The following KCNN3 variants were observed in gnomAD, a reference collection of about 807,000 sequenced individuals.
KCNN3 encodes potassium calcium-activated channel subfamily N member 3.
A neutral mutation model predicts 62.9 loss-of-function variants in KCNN3; 16 were observed. The observed-to-expected ratio is 0.25, with a 90% CI of 0.17 to 0.39. The LOEUF is 0.39. Ranked by LOEUF, KCNN3 falls within the 10% of genes least tolerant of loss-of-function variation. KCNN3 has a pLI of 1.00. For synonymous variants in KCNN3, 370 were observed against 389.2 expected (o/e 0.95, Z 0.58); for missense variants, 599 against 949.4 (o/e 0.63, Z 4.85).
chr1:154,807,827 G>A (rs1435306000), intron 2 of KCNN3, among the ~76,000 whole-genome samples: 2 of 152,090 alleles, frequency 1.3e-5, no homozygotes, highest in African/African-American at 2.4e-5. Flanking sequence ...GAACCTCAGC[G>A]TTTTGGGGTG....
intron 1 of KCNN3, among the ~76,000 whole-genome samples, chr1:154,855,569 G>T (rs1652488040): frequency 1.3e-5 from 2 of 152,210 alleles, no homozygotes; most frequent in Non-Finnish European, 2.9e-5. Flanking sequence ...CCTGGGAGCA[G>T]TAGGCTACAC....
At chr1:154,777,321 C>T (rs765796873) in intron 2 of KCNN3, among the ~76,000 whole-genome samples, 10 of 152,124 alleles carry the variant, frequency 6.6e-5, no homozygotes, top group East Asian at 3.9e-4. Flanking sequence ...ATGCCTGAGA[C>T]GTTGCCTGGC....
intron 2 of KCNN3, among the ~76,000 whole-genome samples, chr1:154,805,958 A>ATGACAGGGAT (rs1553235590): frequency 6.6e-6 from 1 of 152,210 alleles, no homozygotes; most frequent in Non-Finnish European, 1.5e-5. Context: ...GCACAACATA[A>ATGACAGGGAT]TGACAGGGAT....
At chr1:154,822,853 G>A (rs778896322) in intron 1 of KCNN3, among the ~76,000 whole-genome samples, 37 of 152,188 alleles carry the variant, frequency 2.4e-4, no homozygotes, top group Non-Finnish European at 4.3e-4. Context: ...GAGCCCCGTG[G>A]CCTCCACTGC....
intron 3 of KCNN3, among the ~76,000 whole-genome samples, chr1:154,752,528 G>A (rs961586504): frequency 1.3e-5 from 2 of 152,184 alleles, no homozygotes; most frequent in South Asian, 2.1e-4. Context: ...ACCCTGGCTC[G>A]CTTACCTCCC....
intron 3 of KCNN3, among the ~76,000 whole-genome samples, chr1:154,769,981 G>A (rs1648474470): frequency 6.6e-6 from 1 of 152,174 alleles, no homozygotes; most frequent in Non-Finnish European, 1.5e-5. Flanking sequence ...TAAGAAAATT[G>A]AGGTCCAGAG....
chr1:154,729,501 C>T (rs1700545881), intron 4 of KCNN3, among the ~76,000 whole-genome samples: 1 of 152,086 alleles, frequency 6.6e-6, no homozygotes, highest in African/African-American at 2.4e-5. Context: ...ACCAGTCCTC[C>T]CACCTCTTGT....
chr1:154,729,220 G>T (rs1485968708), intron 4 of KCNN3, among the ~76,000 whole-genome samples: 1 of 152,158 alleles, frequency 6.6e-6, no homozygotes, highest in South Asian at 2.1e-4. Context: ...GGTCAGACTG[G>T]GGGGAAGAGC....
chr1:154,758,409 A>G (rs1571245936), intron 3 of KCNN3, among the ~76,000 whole-genome samples: 1 of 152,332 alleles, frequency 6.6e-6, no homozygotes, highest in African/African-American at 2.4e-5. Flanking sequence ...AAGGAGTTTT[A>G]CTAAGTTCTG....
chr1:154,816,583 C>A lies in KCNN3; in HGVS notation c.1029+5506G>T, dbSNP rs539115536. On this transcript the variant is annotated intron_variant, in intron 2 of 7. Transcript: ENST00000271915. The stretch of plus-strand genomic sequence containing the variant: ...TCCGGATGTGAATGTGTCTGCACCC[C>A]ACCCCTTATTCCATGCCTGGGGCTC... Among the ~76,000 whole-genome samples, 4 of 152,282 alleles carry A rather than the reference C, an allele frequency of 2.6e-5. No individual in the cohort carries two copies. In the South Asian group the frequency reaches 8.3e-4, roughly 32 times the overall value.
intron 1 of KCNN3, among the ~76,000 whole-genome samples, chr1:154,825,388 C>G (rs1189017685): frequency 7.8e-6 from 1 of 128,470 alleles, no homozygotes. Context: ...TTTTTTGAGA[C>G]AGAGTCTTGC....
At chr1:154,866,299 TC>T (rs1652955019) in intron 1 of KCNN3, among the ~76,000 whole-genome samples, 1 of 152,206 alleles carries the variant, frequency 6.6e-6, no homozygotes, top group Non-Finnish European at 1.5e-5. Flanking sequence ...AAAAGATATC[TC>T]CTTTCCTCTC....
chr1:154,801,277 G>A (rs1649943591), intron 2 of KCNN3, among the ~76,000 whole-genome samples: 1 of 152,172 alleles, frequency 6.6e-6, no homozygotes, highest in Non-Finnish European at 1.5e-5. Context: ...CTGAAATGAA[G>A]CATCAGCGTG....
At chr1:154,724,305 T>C (rs1700417714) in intron 5 of KCNN3, among the ~76,000 whole-genome samples, 1 of 152,256 alleles carries the variant, frequency 6.6e-6, no homozygotes, top group Admixed American at 6.5e-5. Flanking sequence ...CCTGCCGTTG[T>C]CTCTATTTCT....
intron 2 of KCNN3, among the ~76,000 whole-genome samples, chr1:154,787,857 C>CTA (rs112359059): frequency 1.3e-5 from 2 of 151,942 alleles, no homozygotes; most frequent in African/African-American, 4.8e-5. Context: ...CTGCCACTTT[C>CTA]TCTGTCCTCC....
chr1:154,780,481 G>T (rs1443339584), intron 2 of KCNN3, among the ~76,000 whole-genome samples: 3 of 148,832 alleles, frequency 2.0e-5, no homozygotes, highest in Non-Finnish European at 4.4e-5. Flanking sequence ...CTCTCTGTGG[G>T]GAGAAGAACT....
intron 2 of KCNN3, among the ~76,000 whole-genome samples, chr1:154,787,092 A>T (rs1649313728): frequency 6.6e-6 from 1 of 152,218 alleles, no homozygotes; most frequent in African/African-American, 2.4e-5. Context: ...CAGCCCCTCT[A>T]ACTAAGCCAC....
intron 2 of KCNN3, among the ~76,000 whole-genome samples, chr1:154,803,650 G>A (rs977957009): frequency 1.3e-5 from 2 of 152,200 alleles, no homozygotes; most frequent in Non-Finnish European, 2.9e-5. Context: ...TTTTAAGTGT[G>A]TTTGACCAAG....
intron 3 of KCNN3, among the ~76,000 whole-genome samples, chr1:154,758,461 G>A (rs764766315): frequency 3.9e-5 from 6 of 152,370 alleles, no homozygotes; most frequent in Admixed American, 1.3e-4. Flanking sequence ...ATCTGGGCCC[G>A]TTGCAGCATG....
Sources: gnomAD v4.1 joint callset for allele counts (sites outside exome capture counted in the v4.1 genomes callset) on GRCh38, gnomAD v4.1.1 for gene constraint, MANE v1.5 for transcripts, NCBI Gene and HGNC (gene_info 2026-07-23, HGNC 2026-07-21) for gene names.